Variants in PRKAG2 observed in about 807,000 individuals in gnomAD.
The protein encoded by PRKAG2 is 5'-AMP-activated protein kinase subunit gamma-2.
A neutral mutation model predicts 69.6 loss-of-function variants in PRKAG2; 26 were observed. That is an observed-to-expected ratio of 0.37 (90% confidence interval 0.27 to 0.52). PRKAG2 has a LOEUF of 0.52. Among genes scored for constraint, PRKAG2 ranks in the 20% least tolerant of loss-of-function variants. The probability of loss-of-function intolerance (pLI) is 0.90; values close to 1 mark genes in which losing one functional copy is unlikely to be tolerated. For synonymous variants in PRKAG2, 293 were observed against 285.0 expected (o/e 1.03, Z -0.28); for missense variants, 557 against 740.0 (o/e 0.75, Z 2.87).
intron 2 of PRKAG2, among the ~76,000 whole-genome samples, chr7:151,783,857 G>A (rs2076858007): frequency 7.2e-6 from 1 of 138,790 alleles, no homozygotes; most frequent in East Asian, 2.2e-4. Context: ...GTTGCAGTGA[G>A]CAAGGTGACA....
intron 3 of PRKAG2, among the ~76,000 whole-genome samples, chr7:151,704,762 G>A (rs775678389): frequency 1.3e-5 from 2 of 152,186 alleles, no homozygotes; most frequent in African/African-American, 2.4e-5. Flanking sequence ...CTACCGGGTG[G>A]GGATTTACAA....
At chr7:151,787,979 C>A (rs947860539) in intron 1 of PRKAG2, among the ~76,000 whole-genome samples, 1 of 152,206 alleles carries the variant, frequency 6.6e-6, no homozygotes, top group African/African-American at 2.4e-5. Context: ...CCTCCAGAAT[C>A]ATGAGAAAAC....
At chr7:151,774,643 C>A (rs1307564448) in intron 3 of PRKAG2, among the ~76,000 whole-genome samples, 3 of 152,076 alleles carry the variant, frequency 2.0e-5, no homozygotes, top group Admixed American at 2.0e-4. Flanking sequence ...CCTGTCTCTA[C>A]TAAAAATACA....
At chr7:151,589,182 A>G (rs907762363) in intron 6 of PRKAG2, among the ~76,000 whole-genome samples, 8 of 152,216 alleles carry the variant, frequency 5.3e-5, no homozygotes, top group African/African-American at 1.9e-4. Context: ...CCACCCAGGC[A>G]CTGCCTTACC....
chr7:151,702,282 C>T (rs1172701605), intron 3 of PRKAG2, among the ~76,000 whole-genome samples: 1 of 152,230 alleles, frequency 6.6e-6, no homozygotes, highest in Non-Finnish European at 1.5e-5. Flanking sequence ...CTTTACATCC[C>T]TAGTGCCGGT....
In PRKAG2 at chr7:151,715,494, C is replaced by T. The variant is rs151029148; in HGVS notation, c.467-39857G>A. The stretch of plus-strand genomic sequence containing the variant: ...TCAGCCTCCCAAGTTGCTGGGACTA[C>T]AGGCACACACTACCATGCCCAGCTA... On this transcript the variant is annotated intron_variant, in intron 3 of 15. Transcript: ENST00000287878. 2.1e-3 allele frequency among the ~76,000 whole-genome samples: 320 copies of T among 151,634 alleles called. 3 individuals are homozygous for T. The highest frequency in any genetic ancestry group is 7.6e-3 in the African/African-American group (314 of 41,286).
intron 3 of PRKAG2, among the ~76,000 whole-genome samples, chr7:151,751,120 C>T (rs1172435390): frequency 3.2e-4 from 42 of 130,096 alleles, no homozygotes; most frequent in South Asian, 2.7e-3. Flanking sequence ...TTTTTTGAGA[C>T]GGAGTCTCAC....
chr7:151,568,988 CA>C, intron 10 of PRKAG2, 146 bp from the exon 11 acceptor site: 2 of 939,896 alleles, frequency 2.1e-6, no homozygotes, highest in Non-Finnish European at 1.6e-6. Context: ...GAGATCTCAG[CA>C]AATTTTTCAT....
intron 3 of PRKAG2, among the ~76,000 whole-genome samples, chr7:151,736,956 T>C (rs2073464174): frequency 6.6e-6 from 1 of 152,226 alleles, no homozygotes; most frequent in East Asian, 1.9e-4. Flanking sequence ...ACTGGAGTTC[T>C]AATCTCCTTG....
intron 4 of PRKAG2, among the ~76,000 whole-genome samples, chr7:151,673,430 CCCT>C (rs1191222114): frequency 1.3e-5 from 2 of 152,128 alleles, no homozygotes; most frequent in Non-Finnish European, 2.9e-5. Context: ...TTCCGTTTCT[CCCT>C]CCTGTAGGGC....
At chr7:151,868,113 C>T (rs1385452442) in intron 1 of PRKAG2, among the ~76,000 whole-genome samples, 7 of 152,234 alleles carry the variant, frequency 4.6e-5, no homozygotes, top group East Asian at 1.9e-4. Context: ...CCCTGGCAGA[C>T]GCCCCAAAGC....
At chr7:151,866,710 C>T (rs2080087766) in intron 1 of PRKAG2, among the ~76,000 whole-genome samples, 1 of 152,156 alleles carries the variant, frequency 6.6e-6, no homozygotes, top group Non-Finnish European at 1.5e-5. Flanking sequence ...CACCCCATGG[C>T]TGCTGGCATG....
At chr7:151,692,565 C>CT (rs1835849964) in intron 3 of PRKAG2, among the ~76,000 whole-genome samples, 1 of 141,314 alleles carries the variant, frequency 7.1e-6, no homozygotes, top group African/African-American at 2.9e-5. Flanking sequence ...CAGAATAGCA[C>CT]ATTTTTTTTT....
At chr7:151,587,030 G>T (rs1322638968) in intron 6 of PRKAG2, among the ~76,000 whole-genome samples, 1 of 151,986 alleles carries the variant, frequency 6.6e-6, no homozygotes, top group Non-Finnish European at 1.5e-5. Flanking sequence ...GCGTGTTGTT[G>T]CCCGCCTGTA....
Position 151,632,640 on chromosome 7 carries a change from G to C in PRKAG2, c.685-502C>G, listed in dbSNP as rs1009259109. ...GGTGTGGGCTCCGCGGCGCGGGGAGGGGGAGAGGGGCTGGAGGCTGCAGAA... is the reference window on the plus strand; with the variant it reads ...GGTGTGGGCTCCGCGGCGCGGGGAGCGGGAGAGGGGCTGGAGGCTGCAGAA... On this transcript the variant is annotated intron_variant, in intron 4 of 15. Transcript: ENST00000287878. This position sits in a 1 kb window ranked among gnomAD's most constrained non-coding sequence, Gnocchi z 4.2. 1.5e-5 allele frequency: 15 copies of C among 982,962 alleles called. No homozygotes were observed. The highest frequency in any genetic ancestry group is 6.2e-5 in the Admixed American group (1 of 16,238). The allele number at this position is 982,962 out of a possible 1,614,324, so 60.9% of individuals were successfully genotyped here. A position where few individuals can be genotyped will look rare whatever the true frequency, so the allele number is the denominator to read the frequency against.
chr7:151,725,552 G>T (rs1306982401), intron 3 of PRKAG2, among the ~76,000 whole-genome samples: 1 of 150,412 alleles, frequency 6.6e-6, no homozygotes, highest in Non-Finnish European at 1.5e-5. Context: ...CATATTTACC[G>T]CAGTGAAGAA....
intron 7 of PRKAG2, among the ~76,000 whole-genome samples, chr7:151,575,308 A>G (rs1808625344): frequency 6.6e-6 from 1 of 152,234 alleles, no homozygotes; most frequent in South Asian, 2.1e-4. Context: ...TAGAAACGTG[A>G]CAATTCTGGG....
At chr7:151,604,542 G>A (rs1315800135) in intron 5 of PRKAG2, among the ~76,000 whole-genome samples, 1 of 152,130 alleles carries the variant, frequency 6.6e-6, no homozygotes, top group Admixed American at 6.5e-5. Context: ...AGGAGGCTGA[G>A]GTGGGAGGGT....
intron 1 of PRKAG2, among the ~76,000 whole-genome samples, chr7:151,805,305 G>A (rs2078047166): frequency 6.6e-6 from 1 of 152,178 alleles, no homozygotes; most frequent in East Asian, 1.9e-4. Context: ...GAGGCTGCAC[G>A]GATGGAGAAA....
Sources: allele counts gnomAD v4.1 joint callset (sites outside exome capture counted in the v4.1 genomes callset), GRCh38; gene constraint gnomAD v4.1.1; non-coding constraint Gnocchi (gnomAD v3.1); transcripts MANE v1.5; gene names NCBI Gene and HGNC (gene_info 2026-07-23, HGNC 2026-07-21).